The following ZCCHC2 variants were observed in gnomAD, a reference collection of about 807,000 sequenced individuals.
The protein encoded by ZCCHC2 is zinc finger CCHC domain-containing protein 2.
ZCCHC2 carries 39 observed loss-of-function variants against 103.6 expected under a neutral mutation model. That is an observed-to-expected ratio of 0.38 (90% CI 0.29 to 0.49). The LOEUF is 0.49. ZCCHC2 is among the 20% of genes least tolerant of loss of function. ZCCHC2 has a pLI of 0.96. For synonymous variants in ZCCHC2, 687 were observed against 608.9 expected, an observed-to-expected ratio of 1.13 and a Z score of -1.89; for missense variants, 1,483 against 1,491.0, an observed-to-expected ratio of 0.99 and a Z score of 0.09.
rs568352979 is a variant in ZCCHC2 at position 62,545,091 on chromosome 18, T to TA, written c.1200+226dup. ...GAAATGACGAAGGGATTTCTACATT[T>TA]AAAAAAAATGGAGACCGGGTGCGGT... is the stretch of plus-strand genomic sequence containing the variant. On this transcript the variant is annotated intron_variant, in intron 4 of 13. Coordinates refer to ENST00000269499, the MANE Select transcript of ZCCHC2 (RefSeq NM_017742.6). Among the ~76,000 whole-genome samples, 552 of 152,002 alleles carry TA rather than the reference T, an allele frequency of 3.6e-3. 3 individuals are homozygous for TA. Among genetic ancestry groups the TA allele is most frequent in the African/African-American group, 0.013 (519 of 41,486 alleles).
At chr18:62,573,361 G>A (rs953216782) in intron 12 of ZCCHC2, among the ~76,000 whole-genome samples, 12 of 152,126 alleles carry the variant, frequency 7.9e-5, no homozygotes, top group African/African-American at 1.7e-4. Context: ...GTACACAAGC[G>A]TAAGACTGAT....
At chr18:62,556,116 A>C in intron 5 of ZCCHC2, 87 bp from the exon 6 acceptor site, 1 of 1,009,578 alleles carries the variant, frequency 9.9e-7, no homozygotes, top group Non-Finnish European at 1.5e-6. Flanking sequence ...TTAAACTGCC[A>C]CTTCATTCTG....
chr18:62,583,891 A>G (rs561330475), intron 14 of ZCCHC2, among the ~76,000 whole-genome samples: 1 of 151,824 alleles, frequency 6.6e-6, no homozygotes, highest in African/African-American at 2.4e-5. Flanking sequence ...GGGTGGAGGG[A>G]ATGTTTTAAC....
intron 12 of ZCCHC2, among the ~76,000 whole-genome samples, chr18:62,571,971 A>G (rs1014057787): frequency 6.6e-6 from 1 of 152,226 alleles, no homozygotes; most frequent in Non-Finnish European, 1.5e-5. Flanking sequence ...AATTCTTCTA[A>G]TCTGAGGCAA....
rs909778299 is a variant in ZCCHC2 at position 62,574,815 on chromosome 18, C to T, written c.2734C>T (p.Pro912Ser). ...LPAAGLSAAQ[P>S]PASYPLPGSP... ...AGCAGCTGGCCTCTCAGCTGCTCAGCCACCAGCTTCCTACCCCTTACCAGG... is the reference window on the plus strand; with the variant it reads ...AGCAGCTGGCCTCTCAGCTGCTCAGTCACCAGCTTCCTACCCCTTACCAGG... The change falls in exon 13 of 14, where the codon CCA (proline) becomes TCA (serine). Residue 912 changes from proline to serine, a missense_variant. This residue lies in a region of ZCCHC2 where 884 missense variants were observed against 907.5 expected (regional missense o/e 0.97). Coordinates refer to ENST00000269499, the MANE Select transcript of ZCCHC2 (RefSeq NM_017742.6). The T allele has an allele frequency of 2.5e-6, 4 of 1,613,882 alleles. No individual in the cohort carries two copies. The highest frequency in any genetic ancestry group is 1.7e-5 in the Admixed American group (1 of 60,006).
downstream of ZCCHC2, among the ~76,000 whole-genome samples, chr18:62,582,533 G>T (rs1662944007): frequency 6.6e-6 from 1 of 152,120 alleles, no homozygotes; most frequent in African/African-American, 2.4e-5. Context: ...CAAAAACTTA[G>T]CCGGGCATGG....
chr18:62,579,264 T>G (rs1014947557), downstream of ZCCHC2, among the ~76,000 whole-genome samples: 2 of 152,246 alleles, frequency 1.3e-5, no homozygotes, highest in African/African-American at 4.8e-5. Context: ...CTTTATCAAC[T>G]TTGTTAGTGT....
chr18:62,549,002 G>A (rs371392019), intron 4 of ZCCHC2, among the ~76,000 whole-genome samples: 1 of 151,984 alleles, frequency 6.6e-6, no homozygotes, highest in Non-Finnish European at 1.5e-5. Flanking sequence ...GGTGGATCAC[G>A]AGGTCAGGAG....
intron 4 of ZCCHC2, among the ~76,000 whole-genome samples, chr18:62,548,889 C>T (rs1214134249): frequency 6.6e-6 from 1 of 151,680 alleles, no homozygotes; most frequent in Non-Finnish European, 1.5e-5. Context: ...CATGCCACTG[C>T]ACTCCAGCCT....
intron 11 of ZCCHC2, among the ~76,000 whole-genome samples, chr18:62,569,550 G>A (rs909675526): frequency 1.3e-5 from 2 of 151,404 alleles, no homozygotes; most frequent in Admixed American, 6.6e-5. Context: ...TAGATACACC[G>A]ATAGTCCCTC....
At chr18:62,532,098 G>A (rs963503682) in intron 1 of ZCCHC2, among the ~76,000 whole-genome samples, 7 of 152,226 alleles carry the variant, frequency 4.6e-5, no homozygotes, top group African/African-American at 1.7e-4. Context: ...GGTTCCAGTG[G>A]GAGCCAGTGA....
intron 2 of ZCCHC2, among the ~76,000 whole-genome samples, chr18:62,541,780 T>A (rs1915195029): frequency 6.6e-6 from 1 of 152,210 alleles, no homozygotes; most frequent in Admixed American, 6.5e-5. Flanking sequence ...TTATTAAAGG[T>A]GTCGTAAAAT....
At chr18:62,538,964 A>G (rs1484215103) in intron 1 of ZCCHC2, among the ~76,000 whole-genome samples, 1 of 149,314 alleles carries the variant, frequency 6.7e-6, no homozygotes, top group African/African-American at 2.5e-5. Flanking sequence ...GCAAGCTGTA[A>G]TAAAAAACTG....
chr18:62,535,922 A>G (rs1914902214), intron 1 of ZCCHC2, among the ~76,000 whole-genome samples: 1 of 152,256 alleles, frequency 6.6e-6, no homozygotes, highest in Admixed American at 6.5e-5. Context: ...GTTTTAAAAA[A>G]TAAAAAACTC....
intron 11 of ZCCHC2, among the ~76,000 whole-genome samples, 199 bp downstream of exon 11, chr18:62,565,295 G>T (rs574867488): frequency 6.6e-6 from 1 of 152,240 alleles, no homozygotes; most frequent in South Asian, 2.1e-4. Context: ...CAGCCATGGG[G>T]GTGGAGATTG....
chr18:62,541,595 C>G (rs137910773), intron 2 of ZCCHC2, among the ~76,000 whole-genome samples: 23 of 152,238 alleles, frequency 1.5e-4, no homozygotes, highest in Non-Finnish European at 2.5e-4. Context: ...TTCCTAACCT[C>G]TTCTCTGTAA....
chr18:62,560,782 T>A, intron 8 of ZCCHC2, 138 bp downstream of exon 8: 1 of 697,460 alleles, frequency 1.4e-6, no homozygotes, highest in Non-Finnish European at 2.3e-6. Flanking sequence ...TTTTTCTGTT[T>A]CCTTTTCTCA....
Position 62,539,785 on chromosome 18 carries a change from G to A in ZCCHC2, c.1044G>A (p.Gln348=). 1 of 1,605,592 alleles carries A rather than the reference G, an allele frequency of 6.2e-7. No individual in the cohort carries two copies. The highest frequency in any genetic ancestry group is 8.5e-7 in the Non-Finnish European group (1 of 1,175,730). Residue 348 remains glutamine (Q), a synonymous_variant, in exon 2 of 14, where the codon CAG becomes CAA. Coordinates refer to ENST00000269499, the MANE Select transcript of ZCCHC2 (RefSeq NM_017742.6). ...TTACCGTGGCACCTCACAGAGCTCA[G>A]CGAGAAGGTATGCTCTCTTTTTTGT... ...DGLTVAPHRA[Q]REAVHIEKIM... is the part of the protein sequence containing the mutation.
At chr18:62,526,423 C>T (rs1425764469) in intron 1 of ZCCHC2, 1 of 152,320 alleles carries the variant, frequency 6.6e-6, no homozygotes, top group Non-Finnish European at 1.5e-5. Flanking sequence ...TCATTCACAT[C>T]TCATTAAGTT....
Sources: gnomAD v4.1 joint callset for allele counts (sites outside exome capture counted in the v4.1 genomes callset) on GRCh38, gnomAD v4.1.1 for gene constraint, gnomAD v4.1.1 regional missense constraint, MANE v1.5 for transcripts, NCBI Gene and HGNC (gene_info 2026-07-23, HGNC 2026-07-21) for gene names.